Variants in PLEKHM3 observed in about 807,000 individuals in gnomAD.
PLEKHM3 encodes pleckstrin homology domain-containing family M member 3.
In PLEKHM3, 45 loss-of-function variants were observed where a neutral mutation model predicts 81.8. That is an observed-to-expected ratio of 0.55 (90% CI 0.43 to 0.71). PLEKHM3 has a LOEUF of 0.71. Among genes scored for constraint, PLEKHM3 ranks in the 30% least tolerant of loss-of-function variants. PLEKHM3 has a pLI of 0.00. For synonymous variants in PLEKHM3, 352 were observed against 356.4 expected, an observed-to-expected ratio of 0.99 and a Z score of 0.14; for missense variants, 788 against 924.3, an observed-to-expected ratio of 0.85 and a Z score of 1.91.
chr2:207,944,663 C>T (rs1390277523), intron 4 of PLEKHM3, among the ~76,000 whole-genome samples: 2 of 152,160 alleles, frequency 1.3e-5, no homozygotes, highest in Non-Finnish European at 2.9e-5. Flanking sequence ...TGGAATACAA[C>T]TTCAACAAGC....
chr2:207,833,364 T>G (rs1204284188), intron 7 of PLEKHM3, among the ~76,000 whole-genome samples: 1 of 152,230 alleles, frequency 6.6e-6, no homozygotes, highest in African/African-American at 2.4e-5. Flanking sequence ...AGTCCAGTGA[T>G]AAGCAGTTTC....
chr2:207,868,276 T>TA (rs59864850), intron 6 of PLEKHM3, among the ~76,000 whole-genome samples: 57,735 of 150,956 alleles, frequency 0.38, 11,176 homozygotes, highest in Non-Finnish European at 0.41. Context: ...TTATTATTAT[T>TA]TTTTTTTTTT....
At chr2:208,015,528 G>A (rs1692875927) in intron 1 of PLEKHM3, among the ~76,000 whole-genome samples, 1 of 152,194 alleles carries the variant, frequency 6.6e-6, no homozygotes, top group Admixed American at 6.5e-5. Context: ...AGTTCTCTAC[G>A]GGAATGGTAG....
chr2:207,831,368 C>A (rs983459187), intron 7 of PLEKHM3, among the ~76,000 whole-genome samples: 1 of 152,242 alleles, frequency 6.6e-6, no homozygotes, highest in Non-Finnish European at 1.5e-5. Context: ...TTACCGAGCA[C>A]CACGCTGCCG....
At position 207,976,683 on chromosome 2, in the gene PLEKHM3, C is replaced by T. The variant is rs192125155; in HGVS notation, c.1514G>A (p.Arg505Gln). ...LSILTTLSLERGLTAQSFKCA... is the reference protein window; with the variant it reads ...LSILTTLSLEQGLTAQSFKCA... ...TTTGAAACTCTGAGCAGTGAGTCCTCGTTCCAAAGACAAAGTCGTCAAAAT... is the reference window on the plus strand; with the variant it reads ...TTTGAAACTCTGAGCAGTGAGTCCTTGTTCCAAAGACAAAGTCGTCAAAAT... Residue 505 changes from arginine to glutamine, a missense_variant, in exon 3 of 8, where the codon CGA becomes CAA. Transcript: ENST00000427836. The surrounding 1 kb of genome is among the most constrained non-coding windows in gnomAD (Gnocchi z 4.1). The T allele has an allele frequency of 1.5e-3, 2,433 of 1,614,002 alleles. 3 individuals carry two copies. The highest frequency in any genetic ancestry group is 1.8e-3 in the Non-Finnish European group (2,175 of 1,179,922).
chr2:207,895,440 A>G (rs140796358), intron 6 of PLEKHM3, among the ~76,000 whole-genome samples: 2 of 152,348 alleles, frequency 1.3e-5, no homozygotes, highest in South Asian at 2.1e-4. Flanking sequence ...CCGTAGTTTT[A>G]TTACCCGTGA....
chr2:207,918,543 AAAACAAAC>A (rs376766099), intron 5 of PLEKHM3, among the ~76,000 whole-genome samples: 20 of 146,562 alleles, frequency 1.4e-4, no homozygotes, highest in African/African-American at 4.4e-4. Flanking sequence ...AAACAAACAA[AAAACAAAC>A]AAACAAACAA....
chr2:207,969,118 T>C (rs1376223337), intron 3 of PLEKHM3, among the ~76,000 whole-genome samples: 1 of 152,234 alleles, frequency 6.6e-6, no homozygotes, highest in African/African-American at 2.4e-5. Context: ...CTTTGGCTAC[T>C]AAAGGACCCC....
chr2:207,853,885 C>T (rs1054092816), intron 7 of PLEKHM3, among the ~76,000 whole-genome samples: 1 of 152,074 alleles, frequency 6.6e-6, no homozygotes, highest in African/African-American at 2.4e-5. Flanking sequence ...ATTCTCATGG[C>T]TCAGCCTTCT....
intron 7 of PLEKHM3, among the ~76,000 whole-genome samples, chr2:207,833,277 A>G (rs2105881294): frequency 6.6e-6 from 1 of 152,320 alleles, no homozygotes; most frequent in Middle Eastern, 3.4e-3. Context: ...TGCAACAGGT[A>G]ATGAAAGAGA....
At chr2:207,923,880 C>CACACACACATATATAT (rs1319162543) in intron 5 of PLEKHM3, among the ~76,000 whole-genome samples, 6 of 56,782 alleles carry the variant, frequency 1.1e-4, no homozygotes, top group Admixed American at 2.6e-4. Flanking sequence ...CACACACACA[C>CACACACACATATATAT]ATATATATAT....
At chr2:207,932,195 C>T (rs953846934) in intron 4 of PLEKHM3, among the ~76,000 whole-genome samples, 2 of 152,156 alleles carry the variant, frequency 1.3e-5, no homozygotes, top group African/African-American at 2.4e-5. Context: ...TGGTAATCCA[C>T]GGTAATCCAC....
chr2:207,839,031 A>T (rs1205539501), intron 7 of PLEKHM3, among the ~76,000 whole-genome samples: 1 of 152,182 alleles, frequency 6.6e-6, no homozygotes, highest in East Asian at 1.9e-4. Context: ...TTATATATGA[A>T]CTTCTCATGA....
intron 3 of PLEKHM3, among the ~76,000 whole-genome samples, chr2:207,952,383 T>C (rs927628892): frequency 6.6e-6 from 1 of 152,176 alleles, no homozygotes; most frequent in Non-Finnish European, 1.5e-5. Flanking sequence ...GCCTAGACTT[T>C]GATCATATGC....
At chr2:207,942,121 A>G (rs1295350083) in intron 4 of PLEKHM3, among the ~76,000 whole-genome samples, 1 of 152,254 alleles carries the variant, frequency 6.6e-6, no homozygotes, top group Non-Finnish European at 1.5e-5. Flanking sequence ...ACTGCTAGAT[A>G]TATAACCAAA....
At position 207,862,694 on chromosome 2, in the gene PLEKHM3, A is replaced by T. The variant is rs151204929; in HGVS notation, c.1951-1432T>A. ...ATCTGAGGGAAATGTAGTATAAATC[A>T]TACCTAAAGAGAAATTACAATGTCC... On this transcript the variant is annotated intron_variant, in intron 6 of 7. Transcript: ENST00000427836. 8.3e-3 allele frequency among the ~76,000 whole-genome samples: 1,266 copies of T among 152,322 alleles called. 15 individuals are homozygous for T. The highest frequency in any genetic ancestry group is 0.028 in the African/African-American group (1,162 of 41,570).
intron 6 of PLEKHM3, among the ~76,000 whole-genome samples, chr2:207,866,938 T>C (rs2092504721): frequency 6.6e-6 from 1 of 152,208 alleles, no homozygotes; most frequent in Admixed American, 6.5e-5. Flanking sequence ...GCTTATCCAA[T>C]TGTAGACTGA....
chr2:207,897,583 G>A (rs111744754), intron 6 of PLEKHM3, among the ~76,000 whole-genome samples: 14 of 152,298 alleles, frequency 9.2e-5, no homozygotes, highest in African/African-American at 3.1e-4. Flanking sequence ...TTTCTGGGGT[G>A]AGTCGGCATT....
intron 7 of PLEKHM3, among the ~76,000 whole-genome samples, chr2:207,836,314 A>ACTCC (rs4024192): frequency 7.0e-6 from 1 of 143,468 alleles, no homozygotes; most frequent in Non-Finnish European, 1.5e-5. Flanking sequence ...ACAGAGAGAG[A>ACTCC]GTCTAAAAAA....
Sources: allele counts gnomAD v4.1 joint callset (sites outside exome capture counted in the v4.1 genomes callset), GRCh38; gene constraint gnomAD v4.1.1; non-coding constraint Gnocchi (gnomAD v3.1); transcripts MANE v1.5; gene names NCBI Gene and HGNC (gene_info 2026-07-23, HGNC 2026-07-21).